Variants in BCL2L11 observed in about 807,000 individuals in gnomAD.
The protein encoded by BCL2L11 is bcl-2-like protein 11.
BCL2L11 carries 15 observed loss-of-function variants against 20.6 expected under a neutral mutation model. That is an observed-to-expected ratio of 0.73 (90% CI 0.49 to 1.12). The LOEUF is 1.12. Among genes scored for constraint, BCL2L11 ranks in the 50% most tolerant of loss-of-function variants. BCL2L11 has a pLI of 0.00. For missense variants in BCL2L11, 292 were observed against 260.9 expected, an observed-to-expected ratio of 1.12 and a Z score of -0.82; for synonymous variants, 108 against 92.8, an observed-to-expected ratio of 1.16 and a Z score of -0.94.
intron 2 of BCL2L11, among the ~76,000 whole-genome samples, chr2:111,127,653 C>T (rs2150269334): frequency 1.3e-5 from 2 of 152,190 alleles, no homozygotes; most frequent in Middle Eastern, 3.4e-3. Context: ...GAAAAAGATC[C>T]TGACCTCTGC....
chr2:111,146,236 T>A (rs567032126), intron 2 of BCL2L11: 139 of 982,912 alleles, frequency 1.4e-4, no homozygotes, highest in Non-Finnish European at 1.6e-4. Context: ...AAAAATTTGA[T>A]CTCCCTACAG....
Position 111,165,490 on chromosome 2 carries a change from T to G in BCL2L11, c.*1259T>G, listed in dbSNP as rs957890512. 1 of 152,126 alleles carries G rather than the reference T, an allele frequency of 6.6e-6. No individual in the cohort carries two copies. Among genetic ancestry groups the G allele is most frequent in the Non-Finnish European group, 1.5e-5 (1 of 68,030 alleles). 9.4% of individuals were successfully genotyped at this position (152,126 alleles called of 1,614,324 possible). A position where few individuals can be genotyped will look rare whatever the true frequency, so the allele number is the denominator to read the frequency against. The stretch of plus-strand genomic sequence containing the variant: ...CACTTCCACCAGCACCATAGAAGAA[T>G]AATTCTGGGCAGAAGTCTGTTTTTT... On this transcript the variant is annotated 3_prime_UTR_variant, in exon 4 of 4. Transcript: ENST00000393256.
chr2:111,124,053 G>GGAGCCCAGCACCCAT lies in BCL2L11; in HGVS notation c.312_326dup (p.Pro105_Ser109dup). ...GGGTATTTCTCTTTTGACACAGACA[G>GGAGCCCAGCACCCAT]GAGCCCAGCACCCATGAGTTGTGAC... On this transcript the variant is annotated inframe_insertion, in exon 2 of 4. Transcript: ENST00000393256. 1 of 1,614,174 alleles carries GGAGCCCAGCACCCAT rather than the reference G, an allele frequency of 6.2e-7. No homozygotes were observed. Among genetic ancestry groups the GGAGCCCAGCACCCAT allele is most frequent in the Non-Finnish European group, 8.5e-7 (1 of 1,180,024 alleles).
At chr2:111,160,413 A>G (rs923160374) in intron 3 of BCL2L11, among the ~76,000 whole-genome samples, 1 of 152,046 alleles carries the variant, frequency 6.6e-6, no homozygotes, top group Admixed American at 6.5e-5. Flanking sequence ...CAGGCCCCCC[A>G]CCTGATGCTG....
intron 3 of BCL2L11, among the ~76,000 whole-genome samples, chr2:111,155,848 A>T (rs943383332): frequency 6.6e-6 from 1 of 152,238 alleles, no homozygotes; most frequent in African/African-American, 2.4e-5. Flanking sequence ...TGTCCAGGGC[A>T]TGTGCAGACA....
chr2:111,142,319 C>T, intron 2 of BCL2L11: 1 of 1,550,482 alleles, frequency 6.4e-7, no homozygotes, highest in South Asian at 1.2e-5. Context: ...GCAGATGACT[C>T]CGCTGGATCC....
chr2:111,157,648 G>GTGC (rs1337344875), intron 3 of BCL2L11, among the ~76,000 whole-genome samples: 7 of 152,208 alleles, frequency 4.6e-5, no homozygotes, highest in Non-Finnish European at 7.3e-5. Flanking sequence ...GTGGAGGGCT[G>GTGC]TGCTGTGCTG....
rs1361916746 is a variant in BCL2L11, at chr2:111,167,558, G to A, written c.*3327G>A. 6.6e-6 allele frequency: 1 copy of A among 152,188 alleles called. No individual in the cohort carries two copies. The highest frequency in any genetic ancestry group is 1.5e-5 in the Non-Finnish European group (1 of 68,040). 9.4% of individuals were successfully genotyped at this position (152,188 alleles called of 1,614,324 possible). A position where few individuals can be genotyped will look rare whatever the true frequency, so the allele number is the denominator to read the frequency against. On this transcript the variant is annotated 3_prime_UTR_variant, in exon 4 of 4. Coordinates refer to ENST00000393256, the MANE Select transcript of BCL2L11 (RefSeq NM_138621.5). ...TCAGCGTTTAGAAAAGAAATAAAAT[G>A]TGCCACTTCCAGAGGTGCTGCATTG...
intron 2 of BCL2L11, among the ~76,000 whole-genome samples, chr2:111,135,077 T>G (rs1361243778): frequency 6.6e-6 from 1 of 151,836 alleles, no homozygotes; most frequent in African/African-American, 2.4e-5. Flanking sequence ...CCATTATGTC[T>G]TTAAATACTT....
chr2:111,145,743 C>T (rs1056848007), intron 2 of BCL2L11, among the ~76,000 whole-genome samples: 3 of 152,122 alleles, frequency 2.0e-5, no homozygotes, highest in Non-Finnish European at 4.4e-5. Context: ...CTCCACACTC[C>T]TCCAAAAATG....
chr2:111,123,898 A>G lies in BCL2L11; in HGVS notation c.153A>G (p.Glu51=), dbSNP rs766209148. ...QGNPEGNHGG[E]GDSCPHGSPQ... is the part of the protein sequence containing the mutation. ...ATCCTGAAGGCAATCACGGAGGTGAAGGGGACAGCTGCCCCCACGGCAGCC... is the reference window on the plus strand; with the variant it reads ...ATCCTGAAGGCAATCACGGAGGTGAGGGGGACAGCTGCCCCCACGGCAGCC... The change falls in exon 2 of 4, where the codon GAA becomes GAG. Residue 51 remains glutamate (E), a synonymous_variant. Transcript: ENST00000393256. 4 of 1,611,628 alleles carry G rather than the reference A, an allele frequency of 2.5e-6. No individual in the cohort carries two copies. The highest frequency in any genetic ancestry group is 1.3e-5 in the African/African-American group (1 of 74,722).
intron 3 of BCL2L11, among the ~76,000 whole-genome samples, chr2:111,155,723 T>C (rs115785488): frequency 0.026 from 3,956 of 152,262 alleles, 170 homozygotes; most frequent in African/African-American, 0.09. Context: ...TGGGCTGCAG[T>C]GGACAGCAGC....
At chr2:111,140,451 G>A (rs1306707317) in intron 2 of BCL2L11, among the ~76,000 whole-genome samples, 1 of 152,078 alleles carries the variant, frequency 6.6e-6, no homozygotes, top group East Asian at 1.9e-4. Context: ...GAAGACTTAC[G>A]GAGTGGTTTG....
At chr2:111,144,147 T>C (rs886559643) in intron 2 of BCL2L11, among the ~76,000 whole-genome samples, 26 of 152,378 alleles carry the variant, frequency 1.7e-4, no homozygotes, top group African/African-American at 6.3e-4. Context: ...TATTTTATCC[T>C]AGCAGCTGTT....
intron 2 of BCL2L11, among the ~76,000 whole-genome samples, chr2:111,141,640 T>C (rs1440563207): frequency 1.3e-5 from 2 of 151,780 alleles, no homozygotes; most frequent in Admixed American, 1.3e-4. Flanking sequence ...ATTGTGCACA[T>C]GTACCCTAAA....
chr2:111,161,457 G>T, intron 3 of BCL2L11: 1 of 1,550,454 alleles, frequency 6.4e-7, no homozygotes, highest in Non-Finnish European at 8.7e-7. Flanking sequence ...TGTAGCAGAC[G>T]CAGACTTATT....
intron 2 of BCL2L11, 58 bp downstream of exon 2, chr2:111,124,197 G>C (rs2150147114): frequency 6.7e-7 from 1 of 1,484,502 alleles, no homozygotes; most frequent in Non-Finnish European, 9.1e-7. Flanking sequence ...CTGCTTGAAG[G>C]CTGTGTGTGG....
In BCL2L11 at chr2:111,150,129, C is replaced by T. The variant is rs142641143; in HGVS notation, c.480C>T (p.Asn160=). The T allele has an allele frequency of 3.2e-5, 51 of 1,613,616 alleles. No individual in the cohort carries two copies. The highest frequency in any genetic ancestry group is 1.6e-4 in the Middle Eastern group (1 of 6,082). Residue 160 remains asparagine, a synonymous_variant, in exon 3 of 4, where the codon AAC becomes AAT. Coordinates refer to ENST00000393256, the MANE Select transcript of BCL2L11 (RefSeq NM_138621.5). The part of the protein sequence containing the change: ...QELRRIGDEF[N]AYYARRVFLN... ...TGCGGCGTATTGGAGACGAGTTTAACGCTTACTATGCAAGGAGGGTAATGA... is the reference window on the plus strand; with the variant it reads ...TGCGGCGTATTGGAGACGAGTTTAATGCTTACTATGCAAGGAGGGTAATGA...
At chr2:111,144,911 C>CCCTGGCTGTG (rs1416966255) in intron 2 of BCL2L11, among the ~76,000 whole-genome samples, 1 of 152,200 alleles carries the variant, frequency 6.6e-6, no homozygotes, top group Non-Finnish European at 1.5e-5. Context: ...CCCCTGCAGT[C>CCCTGGCTGTG]CCTGGCTGTG....
Sources: gnomAD v4.1 joint callset for allele counts (sites outside exome capture counted in the v4.1 genomes callset) on GRCh38, gnomAD v4.1.1 for gene constraint, MANE v1.5 for transcripts, NCBI Gene and HGNC (gene_info 2026-07-23, HGNC 2026-07-21) for gene names.